The following RAPH1 variants were observed in gnomAD, a reference collection of about 807,000 sequenced individuals.
The protein encoded by RAPH1 is ras-associated and pleckstrin homology domains-containing protein 1.
In RAPH1, 18 loss-of-function variants were observed where a neutral mutation model predicts 88.1. That is an observed-to-expected ratio of 0.20 (90% CI 0.14 to 0.30). RAPH1 has a LOEUF of 0.30. RAPH1 is among the 10% of genes least tolerant of loss of function. RAPH1 has a pLI of 1.00. For synonymous variants in RAPH1, 587 were observed against 559.0 expected, an observed-to-expected ratio of 1.05 and a Z score of -0.71; for missense variants, 1,448 against 1,543.2, an observed-to-expected ratio of 0.94 and a Z score of 1.03.
chr2:203,459,514 G>A (rs947922509), intron 7 of RAPH1, among the ~76,000 whole-genome samples: 3 of 152,214 alleles, frequency 2.0e-5, no homozygotes, highest in Non-Finnish European at 2.9e-5. Context: ...TCCAAAAGAA[G>A]TGTCAACTGG....
intron 1 of RAPH1, among the ~76,000 whole-genome samples, chr2:203,496,960 A>T (rs1448133520): frequency 1.3e-5 from 2 of 152,240 alleles, no homozygotes; most frequent in Non-Finnish European, 2.9e-5. Context: ...CCATTAAAAA[A>T]GATATGCCTA....
At chr2:203,523,881 G>A (rs1690001722) in intron 1 of RAPH1, among the ~76,000 whole-genome samples, 2 of 152,154 alleles carry the variant, frequency 1.3e-5, no homozygotes. Flanking sequence ...GCATGCGCCT[G>A]TAGTCCCAGC....
chr2:203,444,788 A>G, intron 13 of RAPH1, 80 bp downstream of exon 13: 1 of 1,325,122 alleles, frequency 7.5e-7, no homozygotes, highest in Non-Finnish European at 1.1e-6. Flanking sequence ...AAGATCCCCG[A>G]TAAAGACATA....
rs1383720420 is a variant in RAPH1, at chr2:203,506,744, A to ATC, written c.1-11392_1-11391insGA. Among the ~76,000 whole-genome samples, 92 of 108,506 alleles carry ATC rather than the reference A, an allele frequency of 8.5e-4. 3 individuals are homozygous for ATC. The highest frequency in any genetic ancestry group is 4.1e-3 in the Middle Eastern group (1 of 246). 71.2% of individuals were successfully genotyped at this position (108,506 alleles called of 152,430 possible). A position where few individuals can be genotyped will look rare whatever the true frequency, so the allele number is the denominator to read the frequency against. On this transcript the variant is annotated intron_variant, in intron 1 of 13. Transcript: ENST00000319170. ...AAAATCCATATATAGATATATATCT[A>ATC]TATATATATATATCTATATATATAT... is the stretch of plus-strand genomic sequence containing the variant.
chr2:203,439,435 G>A lies in RAPH1; in HGVS notation c.*2C>T, dbSNP rs1356757755. On this transcript the variant is annotated 3_prime_UTR_variant, in exon 14 of 14. Transcript: ENST00000319170. ...TATCATGAAAATAAAGTCCTATGGT[G>A]GCTACCAGTCTCTGGAGAGCTTGGT... is the stretch of plus-strand genomic sequence containing the variant. The A allele has an allele frequency of 6.2e-7, 1 of 1,612,326 alleles. No homozygotes were observed. The highest frequency in any genetic ancestry group is 1.3e-5 in the African/African-American group (1 of 74,866).
At chr2:203,466,497 C>T (rs1332269440) in intron 4 of RAPH1, among the ~76,000 whole-genome samples, 1 of 152,104 alleles carries the variant, frequency 6.6e-6, no homozygotes, top group Non-Finnish European at 1.5e-5. Context: ...AGAACACCTC[C>T]AATAGTTTAT....
At chr2:203,470,971 A>C (rs1370910345) in intron 4 of RAPH1, among the ~76,000 whole-genome samples, 1 of 152,252 alleles carries the variant, frequency 6.6e-6, no homozygotes, top group Non-Finnish European at 1.5e-5. Flanking sequence ...CAGAAGTGTC[A>C]CACACTTAAA....
At chr2:203,441,820 T>A (rs2098504503) in intron 13 of RAPH1, 1 of 1,303,996 alleles carries the variant, frequency 7.7e-7, no homozygotes, top group African/African-American at 1.5e-5. Flanking sequence ...GGCTCCAGTT[T>A]ACCTTTCAGT....
intron 4 of RAPH1, chr2:203,476,962 G>A: frequency 1.4e-6 from 1 of 711,212 alleles, no homozygotes; most frequent in South Asian, 1.9e-5. Flanking sequence ...TATTAAGTTT[G>A]GTTTAATTTT....
At chr2:203,467,929 G>A (rs2098529914) in intron 4 of RAPH1, among the ~76,000 whole-genome samples, 1 of 151,652 alleles carries the variant, frequency 6.6e-6, no homozygotes, top group African/African-American at 2.4e-5. Context: ...CACCACGCCA[G>A]GCTAATTTTT....
chr2:203,499,534 C>T (rs1251790924), intron 1 of RAPH1, among the ~76,000 whole-genome samples: 1 of 151,942 alleles, frequency 6.6e-6, no homozygotes, highest in Non-Finnish European at 1.5e-5. Context: ...CTAGCATGGC[C>T]AAGATAGTGA....
At chr2:203,442,684 A>G (rs1282971854) in intron 13 of RAPH1, 1 of 152,296 alleles carries the variant, frequency 6.6e-6, no homozygotes, top group Non-Finnish European at 1.5e-5. Context: ...CTGAGGTAAC[A>G]GGAGAAGAAA....
intron 2 of RAPH1, among the ~76,000 whole-genome samples, chr2:203,493,428 C>A (rs1395089804): frequency 1.3e-5 from 2 of 152,180 alleles, no homozygotes; most frequent in African/African-American, 4.8e-5. Context: ...CACATGTCAG[C>A]TGGCCCTTGC....
In RAPH1 at chr2:203,436,288, A is replaced by G. The variant is rs1462494433; in HGVS notation, c.*3149T>C. 6.6e-6 allele frequency: 1 copy of G among 152,138 alleles called. No homozygotes were observed. Among genetic ancestry groups the G allele is most frequent in the Non-Finnish European group, 1.5e-5 (1 of 68,022 alleles). 9.4% of individuals were successfully genotyped at this position (152,138 alleles called of 1,614,324 possible). A position where few individuals can be genotyped will look rare whatever the true frequency, so the allele number is the denominator to read the frequency against. On this transcript the variant is annotated 3_prime_UTR_variant, in exon 14 of 14. Coordinates refer to ENST00000319170, the MANE Select transcript of RAPH1 (RefSeq NM_213589.3). ...AGTCTTTTGTAACTTAACATTCCAC[A>G]TTTTCATTTAAAAAGTCCCAGAAAT...
chr2:203,457,175 T>TTTTA lies in RAPH1; in HGVS notation c.1158+351_1158+354dup, dbSNP rs559431461. On this transcript the variant is annotated intron_variant, in intron 8 of 13. Transcript: ENST00000319170. ...CTTCAAAAAGGTATTTAATATTTTA[T>TTTTA]TTTATTTATTTATTTATTTATTTAT... Among the ~76,000 whole-genome samples the TTTTA allele has an allele frequency of 2.9e-3, 447 of 151,540 alleles. 1 individual carries two copies. The highest frequency in any genetic ancestry group is 6.8e-3 in the Middle Eastern group (2 of 294).
chr2:203,495,398 T>G (rs1688469919), intron 1 of RAPH1, 45 bp from the exon 2 acceptor site: 1 of 1,605,470 alleles, frequency 6.2e-7, no homozygotes, highest in African/African-American at 1.3e-5. Flanking sequence ...AGTTACAGGT[T>G]TAACTTGAAA....
intron 4 of RAPH1, among the ~76,000 whole-genome samples, chr2:203,464,763 T>C (rs1157067180): frequency 6.7e-6 from 1 of 150,072 alleles, no homozygotes; most frequent in African/African-American, 2.5e-5. Flanking sequence ...TAAAGAACTG[T>C]TATAAAAAAA....
In RAPH1 at chr2:203,437,021, T is replaced by TA. The variant is rs1383771891; in HGVS notation, c.*2415dup. The TA allele has an allele frequency of 2.3e-5, 2 of 88,546 alleles. No individual in the cohort carries two copies. The highest frequency in any genetic ancestry group is 5.1e-5 in the African/African-American group (1 of 19,608). The allele number at this position is 88,546 out of a possible 1,614,324, so 5.5% of individuals were successfully genotyped here. ...GTCGGACAAGCCACTGGACTGGGGT[T>TA]AAAATGAGTCTCCTCCTCTAGCCTT... On this transcript the variant is annotated 3_prime_UTR_variant, in exon 14 of 14. Coordinates refer to ENST00000319170, the MANE Select transcript of RAPH1 (RefSeq NM_213589.3).
chr2:203,520,000 G>T (rs1397571828), intron 1 of RAPH1, among the ~76,000 whole-genome samples: 1 of 152,124 alleles, frequency 6.6e-6, no homozygotes, highest in African/African-American at 2.4e-5. Context: ...ATTTCTTAAT[G>T]ACACTTGAAA....
Sources: allele counts gnomAD v4.1 joint callset (sites outside exome capture counted in the v4.1 genomes callset), GRCh38; gene constraint gnomAD v4.1.1; transcripts MANE v1.5; gene names NCBI Gene and HGNC (gene_info 2026-07-23, HGNC 2026-07-21).